The following FMNL2 variants were observed in gnomAD, a reference collection of about 807,000 sequenced individuals.
FMNL2 encodes formin-like protein 2.
In FMNL2, 51 loss-of-function variants were observed where a neutral mutation model predicts 130.2. The observed-to-expected ratio is 0.39, with a 90% CI of 0.31 to 0.49. The LOEUF is 0.49. Among genes scored for constraint, FMNL2 ranks in the 20% least tolerant of loss-of-function variants. The pLI, the probability that FMNL2 is intolerant of heterozygous loss-of-function variation, is 0.85. For synonymous variants in FMNL2, 465 were observed against 467.1 expected, an observed-to-expected ratio of 1.00 and a Z score of 0.06; for missense variants, 977 against 1,316.2, an observed-to-expected ratio of 0.74 and a Z score of 3.99.
chr2:152,417,970 C>T (rs1347402853), intron 1 of FMNL2, among the ~76,000 whole-genome samples: 3 of 152,010 alleles, frequency 2.0e-5, no homozygotes, highest in South Asian at 2.1e-4. Flanking sequence ...CTCAGCCTCC[C>T]GAGTAGGTGG....
chr2:152,389,857 C>A, intron 1 of FMNL2: 2 of 1,065,300 alleles, frequency 1.9e-6, no homozygotes, highest in Non-Finnish European at 2.9e-6. Flanking sequence ...GACTTTCAGC[C>A]ACGACAATCA....
chr2:152,370,618 C>T (rs1683821975), intron 1 of FMNL2, among the ~76,000 whole-genome samples: 1 of 152,052 alleles, frequency 6.6e-6, no homozygotes, highest in Non-Finnish European at 1.5e-5. Context: ...TGTGTTGGTC[C>T]CTTAGGAATG....
At chr2:152,503,961 G>T (rs978314856) in intron 1 of FMNL2, among the ~76,000 whole-genome samples, 23 of 152,136 alleles carry the variant, frequency 1.5e-4, no homozygotes, top group Non-Finnish European at 3.2e-4. Context: ...AGGCCGAGGC[G>T]GGTGGGTCAC....
intron 14 of FMNL2, 86 bp downstream of exon 14, chr2:152,619,244 C>A: frequency 6.9e-7 from 1 of 1,441,422 alleles, no homozygotes; most frequent in East Asian, 2.4e-5. Context: ...GTCCTTTGTC[C>A]GTTTTTGTTG....
At chr2:152,406,742 G>A (rs1686003933) in intron 1 of FMNL2, among the ~76,000 whole-genome samples, 1 of 152,056 alleles carries the variant, frequency 6.6e-6, no homozygotes, top group Admixed American at 6.6e-5. Flanking sequence ...GACCTTCCAG[G>A]CACCACGTAC....
intron 1 of FMNL2, among the ~76,000 whole-genome samples, chr2:152,441,051 A>T (rs1461822526): frequency 6.6e-6 from 1 of 152,230 alleles, no homozygotes; most frequent in African/African-American, 2.4e-5. Flanking sequence ...TCTTAACAAC[A>T]TTTGTAGACC....
intron 9 of FMNL2, among the ~76,000 whole-genome samples, chr2:152,586,059 C>G (rs762623716): frequency 1.3e-5 from 2 of 152,168 alleles, no homozygotes; most frequent in Non-Finnish European, 2.9e-5. Context: ...CTCTCCCAGG[C>G]TGCTGGGAGG....
chr2:152,476,627 G>A (rs943112516), intron 1 of FMNL2, among the ~76,000 whole-genome samples: 3 of 151,986 alleles, frequency 2.0e-5, no homozygotes, highest in Non-Finnish European at 4.4e-5. Flanking sequence ...TGGAGGTTGA[G>A]GCTGCAGTGA....
intron 3 of FMNL2, among the ~76,000 whole-genome samples, chr2:152,545,539 C>T (rs1694576659): frequency 6.6e-6 from 1 of 152,028 alleles, no homozygotes; most frequent in Admixed American, 6.6e-5. Flanking sequence ...CTCTCCAAAC[C>T]AGCCTCCTTA....
At chr2:152,474,483 A>G (rs1412756245) in intron 1 of FMNL2, among the ~76,000 whole-genome samples, 1 of 152,086 alleles carries the variant, frequency 6.6e-6, no homozygotes, top group African/African-American at 2.4e-5. Flanking sequence ...TCAGGAATTC[A>G]AGACCAGCCT....
chr2:152,338,836 C>CACACACACACACACACATAA (rs1553862445), intron 1 of FMNL2, among the ~76,000 whole-genome samples: 1 of 151,324 alleles, frequency 6.6e-6, no homozygotes, highest in African/African-American at 2.4e-5. Context: ...CACACACACA[C>CACACACACACACACACATAA]ACACACACAC....
chr2:152,400,506 A>G, intron 1 of FMNL2, among the ~76,000 whole-genome samples: 1 of 152,196 alleles, frequency 6.6e-6, no homozygotes, highest in East Asian at 1.9e-4. Flanking sequence ...GGCAGAGGGT[A>G]TGGCCTTATG....
intron 1 of FMNL2, among the ~76,000 whole-genome samples, chr2:152,470,073 CTG>C (rs1461878035): frequency 1.3e-5 from 2 of 152,220 alleles, no homozygotes; most frequent in Non-Finnish European, 2.9e-5. Context: ...TGCTTTGTGT[CTG>C]TGTTATTTCT....
chr2:152,390,606 A>G, intron 1 of FMNL2: 2 of 1,224,036 alleles, frequency 1.6e-6, no homozygotes, highest in Admixed American at 1.7e-5. Context: ...GCATCTGGAG[A>G]TGGATTTTTC....
chr2:152,367,568 T>C (rs896989724), intron 1 of FMNL2, among the ~76,000 whole-genome samples: 1 of 152,198 alleles, frequency 6.6e-6, no homozygotes, highest in Non-Finnish European at 1.5e-5. Context: ...CCATGAGCAC[T>C]GGTAATTTGT....
chr2:152,618,762 T>C (rs1469182289), intron 13 of FMNL2, 84 bp from the exon 14 acceptor site: 4 of 1,230,922 alleles, frequency 3.2e-6, no homozygotes, highest in Non-Finnish European at 4.5e-6. Flanking sequence ...TCTTTTTTTC[T>C]CTTTATCCTC....
intron 1 of FMNL2, among the ~76,000 whole-genome samples, chr2:152,460,555 AG>A (rs1689180891): frequency 6.6e-6 from 1 of 152,214 alleles, no homozygotes; most frequent in Non-Finnish European, 1.5e-5. Flanking sequence ...CTCTTCATAG[AG>A]CAGGGGTCCC....
intron 2 of FMNL2, among the ~76,000 whole-genome samples, chr2:152,534,467 G>A (rs900919157): frequency 2.6e-5 from 4 of 151,952 alleles, no homozygotes; most frequent in Admixed American, 2.0e-4. Flanking sequence ...TCTTAAAATC[G>A]GAGCTTGTAA....
intron 24 of FMNL2, 72 bp from the exon 25 acceptor site, chr2:152,640,719 G>A: frequency 1.3e-6 from 2 of 1,551,718 alleles, no homozygotes; most frequent in Non-Finnish European, 1.7e-6. Context: ...ATAATGCTCA[G>A]GCACATTTTG....
Sources: allele counts gnomAD v4.1 joint callset (sites outside exome capture counted in the v4.1 genomes callset), GRCh38; gene constraint gnomAD v4.1.1; transcripts MANE v1.5; gene names NCBI Gene and HGNC (gene_info 2026-07-23, HGNC 2026-07-21).